The following NOXRED1 variants were observed in gnomAD, a reference collection of about 807,000 sequenced individuals.
NOXRED1 encodes NADP dependent oxidoreductase domain containing 1.
NOXRED1 carries 20 observed loss-of-function variants against 30.4 expected under a neutral mutation model. The ratio of observed to expected loss-of-function variants is 0.66; its 90% CI spans 0.46 to 0.96. NOXRED1 has a LOEUF of 0.96. Among genes scored for constraint, NOXRED1 ranks in the 40% least tolerant of loss-of-function variants. The pLI is 0.00. For missense variants in NOXRED1, 374 were observed against 428.0 expected (o/e 0.87, Z 1.11); for synonymous variants, 155 against 168.0 (o/e 0.92, Z 0.60).
intron 1 of NOXRED1, among the ~76,000 whole-genome samples, chr14:77,420,504 A>G (rs1894964682): frequency 6.6e-6 from 1 of 151,506 alleles, no homozygotes; most frequent in African/African-American, 2.4e-5. Context: ...TGTAATTTGT[A>G]ATTTGTAATT....
intron 5 of NOXRED1, among the ~76,000 whole-genome samples, chr14:77,396,636 T>G (rs1894195724): frequency 2.0e-5 from 3 of 152,180 alleles, no homozygotes; most frequent in Admixed American, 2.0e-4. Flanking sequence ...TCAATTGTAT[T>G]TATATACAAT....
chr14:77,414,042 T>C lies in NOXRED1; in HGVS notation c.241A>G (p.Ile81Val), dbSNP rs1383483800. Residue 81 changes from isoleucine (I) to valine (V), a missense_variant, in exon 2 of 6, where the codon ATC becomes GTC. Ile to Val is a conservative substitution (Grantham distance 29). Coordinates refer to ENST00000380835, the MANE Select transcript of NOXRED1 (RefSeq NM_001113475.3). ...TTCCCAAGGTGGCCACCTCCAATGATGCCCACCTTAAACTCTTCAGGAGTG... is the reference window on the plus strand; with the variant it reads ...TTCCCAAGGTGGCCACCTCCAATGACGCCCACCTTAAACTCTTCAGGAGTG... ...SATPEEFKVG[I>V]IGGGHLGKQL... 6.2e-7 allele frequency: 1 copy of C among 1,612,414 alleles called. No individual in the cohort carries two copies. The highest frequency in any genetic ancestry group is 2.2e-5 in the East Asian group (1 of 44,846).
chr14:77,412,852 T>C (rs1894698723), intron 2 of NOXRED1, among the ~76,000 whole-genome samples: 1 of 151,374 alleles, frequency 6.6e-6, no homozygotes, highest in Admixed American at 6.6e-5. Context: ...CATGATACAT[T>C]ATGTAAAAAA....
chr14:77,407,863 T>G (rs1894521426), intron 2 of NOXRED1, among the ~76,000 whole-genome samples: 1 of 129,068 alleles, frequency 7.7e-6, no homozygotes, highest in Non-Finnish European at 1.6e-5. Context: ...AAATTATAAT[T>G]CATCTTTTTT....
intron 4 of NOXRED1, 80 bp downstream of exon 4, chr14:77,406,644 G>A: frequency 8.4e-7 from 1 of 1,193,830 alleles, no homozygotes; most frequent in Non-Finnish European, 1.3e-6. Context: ...CAGAGAGAGA[G>A]AGATTGATTT....
intron 5 of NOXRED1, among the ~76,000 whole-genome samples, chr14:77,395,262 C>T (rs961894802): frequency 1.3e-5 from 2 of 151,720 alleles, no homozygotes; most frequent in Non-Finnish European, 2.9e-5. Context: ...CCCGCCACTA[C>T]GCCCAGCCAA....
chr14:77,407,667 A>C (rs376693539), intron 2 of NOXRED1, 22 bp from the exon 3 acceptor site: 1 of 1,589,186 alleles, frequency 6.3e-7, no homozygotes, highest in South Asian at 1.1e-5. Flanking sequence ...AAAGGAAGAC[A>C]GGAAGAGCAC....
intron 5 of NOXRED1, among the ~76,000 whole-genome samples, chr14:77,398,775 C>T (rs1332697731): frequency 6.6e-6 from 1 of 152,030 alleles, no homozygotes; most frequent in Admixed American, 6.5e-5. Flanking sequence ...TCGAAACCAG[C>T]CTGGCCAACA....
intron 1 of NOXRED1, among the ~76,000 whole-genome samples, chr14:77,416,975 C>T (rs527897754): frequency 6.6e-6 from 1 of 152,228 alleles, no homozygotes; most frequent in Non-Finnish European, 1.5e-5. Flanking sequence ...TTGTTGCAAC[C>T]CATAAGTTTT....
chr14:77,410,906 G>C (rs1451427789), intron 2 of NOXRED1, among the ~76,000 whole-genome samples: 3 of 151,988 alleles, frequency 2.0e-5, no homozygotes, highest in Non-Finnish European at 2.9e-5. Context: ...CCTTTTGGGA[G>C]GTCAATTTGA....
chr14:77,421,079 A>C (rs1894981956), intron 1 of NOXRED1, among the ~76,000 whole-genome samples: 1 of 152,242 alleles, frequency 6.6e-6, no homozygotes, highest in South Asian at 2.1e-4. Flanking sequence ...CAGCCCCCAA[A>C]AAGGCAGAAC....
Position 77,394,587 on chromosome 14 carries a change from G to A in NOXRED1, c.*44C>T. ...TGATAATCAGGGCACAACTATTATAGGGAAAATCTGTGAGTGGGAAAAAAT... is the reference window on the plus strand; with the variant it reads ...TGATAATCAGGGCACAACTATTATAAGGAAAATCTGTGAGTGGGAAAAAAT... On this transcript the variant is annotated 3_prime_UTR_variant, in exon 6 of 6. Transcript: ENST00000380835. 6.7e-7 allele frequency: 1 copy of A among 1,487,674 alleles called. No homozygotes were observed. The highest frequency in any genetic ancestry group is 1.4e-5 in the African/African-American group (1 of 72,338). 92.2% of individuals were successfully genotyped at this position (1,487,674 alleles called of 1,614,324 possible). A position where few individuals can be genotyped will look rare whatever the true frequency, so the allele number is the denominator to read the frequency against.
At chr14:77,400,114 A>C (rs1031082205) in intron 5 of NOXRED1, among the ~76,000 whole-genome samples, 2 of 152,218 alleles carry the variant, frequency 1.3e-5, no homozygotes, top group Admixed American at 1.3e-4. Context: ...ACTCTGTGCA[A>C]AGTTATCCTT....
At chr14:77,416,119 T>C (rs1894815055) in intron 1 of NOXRED1, among the ~76,000 whole-genome samples, 2 of 152,240 alleles carry the variant, frequency 1.3e-5, no homozygotes, top group Admixed American at 1.3e-4. Flanking sequence ...TATGCAGTAT[T>C]GTCTTTTTGT....
intron 5 of NOXRED1, among the ~76,000 whole-genome samples, chr14:77,400,376 T>C (rs1894295445): frequency 6.6e-6 from 1 of 152,172 alleles, no homozygotes; most frequent in East Asian, 1.9e-4. Context: ...CAAGCATCAG[T>C]CAATTTAGAA....
At chr14:77,424,207 T>C (rs917526637), upstream of NOXRED1, among the ~76,000 whole-genome samples, 3 of 152,296 alleles carry the variant, frequency 2.0e-5, no homozygotes, top group African/African-American at 7.2e-5. Flanking sequence ...TCGCAGCACT[T>C]TGGGAGGCCG....
At chr14:77,418,374 G>A (rs929079304) in intron 1 of NOXRED1, among the ~76,000 whole-genome samples, 7 of 151,970 alleles carry the variant, frequency 4.6e-5, no homozygotes, top group Non-Finnish European at 7.4e-5. Flanking sequence ...GGAATCAAGC[G>A]ATCCGCCTGC....
At chr14:77,413,239 C>G (rs1433034182) in intron 2 of NOXRED1, among the ~76,000 whole-genome samples, 1 of 137,172 alleles carries the variant, frequency 7.3e-6, no homozygotes, top group Admixed American at 7.4e-5. Context: ...CATTACAAAA[C>G]TTTTTTTTTT....
chr14:77,424,882 G>A (rs1895086972), upstream of NOXRED1, among the ~76,000 whole-genome samples: 1 of 152,206 alleles, frequency 6.6e-6, no homozygotes, highest in African/African-American at 2.4e-5. Context: ...CTGTGTTTCA[G>A]TGTGCATAAT....
Sources: allele counts gnomAD v4.1 joint callset (sites outside exome capture counted in the v4.1 genomes callset), GRCh38; gene constraint gnomAD v4.1.1; transcripts MANE v1.5; gene names NCBI Gene and HGNC (gene_info 2026-07-23, HGNC 2026-07-21).